The following MGAT4C variants were observed in gnomAD, a reference collection of about 807,000 sequenced individuals.
The protein encoded by MGAT4C is MGAT4 family member C.
In MGAT4C, 19 loss-of-function variants were observed where a neutral mutation model predicts 40.1. The observed-to-expected ratio is 0.47, with a 90% confidence interval of 0.33 to 0.70. The LOEUF is 0.70. Ranked by LOEUF, MGAT4C falls within the 30% of genes least tolerant of loss-of-function variation. MGAT4C has a pLI of 0.02. For synonymous variants in MGAT4C, 181 were observed against 187.1 expected (o/e 0.97, Z 0.27); for missense variants, 491 against 563.2 (o/e 0.87, Z 1.30).
chr12:86,471,231 T>A (rs1440736194), intron 2 of MGAT4C, among the ~76,000 whole-genome samples: 1 of 152,050 alleles, frequency 6.6e-6, no homozygotes, highest in African/African-American at 2.4e-5. Flanking sequence ...AAGATAATTT[T>A]TCTACTTTTA....
At chr12:85,988,935 A>G (rs2136715329) in intron 3 of MGAT4C, among the ~76,000 whole-genome samples, 1 of 152,184 alleles carries the variant, frequency 6.6e-6, no homozygotes, top group East Asian at 1.9e-4. Context: ...AAGGTGTTAC[A>G]CATTGTAATA....
At chr12:86,680,536 C>T (rs547532115) in intron 2 of MGAT4C, among the ~76,000 whole-genome samples, 1 of 152,086 alleles carries the variant, frequency 6.6e-6, no homozygotes, top group Admixed American at 6.6e-5. Context: ...TTAATGTAGT[C>T]TAAAAGATAC....
At chr12:86,705,216 C>CTCTATCTATCTATCTA (rs36154098) in intron 2 of MGAT4C, among the ~76,000 whole-genome samples, 27 of 147,588 alleles carry the variant, frequency 1.8e-4, no homozygotes, top group Admixed American at 3.4e-4. Flanking sequence ...TGTCTATTAT[C>CTCTATCTATCTATCTA]TCTATCTATC....
At chr12:86,192,936 C>T (rs958745209) in intron 1 of MGAT4C, among the ~76,000 whole-genome samples, 2 of 152,088 alleles carry the variant, frequency 1.3e-5, no homozygotes, top group African/African-American at 4.8e-5. Flanking sequence ...GTGTCATCAT[C>T]TGATATTATT....
chr12:86,789,082 A>G lies in MGAT4C; in HGVS notation c.-262+49584T>C, dbSNP rs575810361. ...AGCAAAGTGAAAGTAGGAAGGACTC[A>G]GGATACAAACAATATCAAGCAAAGG... On this transcript the variant is annotated intron_variant, in intron 1 of 7. Transcript: ENST00000548651. Among the ~76,000 whole-genome samples, 5 of 152,278 alleles carry G rather than the reference A, an allele frequency of 3.3e-5. No individual in the cohort carries two copies. The South Asian group carries it at 1.0e-3, about 32-fold the overall frequency.
chr12:86,482,099 C>CACACAT (rs1375497036), intron 2 of MGAT4C, among the ~76,000 whole-genome samples: 18 of 151,450 alleles, frequency 1.2e-4, no homozygotes, highest in African/African-American at 4.1e-4. Context: ...CACACACACA[C>CACACAT]ACAAGCAAGT....
At chr12:86,673,974 C>T (rs1057355962) in intron 2 of MGAT4C, among the ~76,000 whole-genome samples, 2 of 151,922 alleles carry the variant, frequency 1.3e-5, no homozygotes, top group African/African-American at 4.8e-5. Context: ...TAAATGATGG[C>T]ATTGCACTAA....
intron 4 of MGAT4C, among the ~76,000 whole-genome samples, chr12:86,284,059 T>A (rs1953285705): frequency 6.6e-6 from 1 of 152,064 alleles, no homozygotes; most frequent in Non-Finnish European, 1.5e-5. Context: ...AAAATATATT[T>A]GTATCATCTA....
At chr12:86,539,873 AT>A (rs891250965) in intron 2 of MGAT4C, among the ~76,000 whole-genome samples, 1 of 151,324 alleles carries the variant, frequency 6.6e-6, no homozygotes, top group Admixed American at 6.6e-5. Flanking sequence ...AGGTTGTTTG[AT>A]TTTTTTTCTT....
chr12:86,284,307 AT>A lies in MGAT4C; in HGVS notation c.-57+49757del, dbSNP rs537673835. Reference sequence around the variant, plus strand: ...ATATATAAATATATACTAAATGCACATTTTTTTCCTCTATCTCTTTACTTTG... The same window carrying A: ...ATATATAAATATATACTAAATGCACATTTTTTCCTCTATCTCTTTACTTTG... On this transcript the variant is annotated intron_variant, in intron 4 of 7. Transcript: ENST00000548651. Among the ~76,000 whole-genome samples the A allele has an allele frequency of 2.4e-3, 366 of 151,820 alleles. 1 individual carries two copies. Among genetic ancestry groups the A allele is most frequent in the African/African-American group, 7.3e-3 (301 of 41,476 alleles).
chr12:86,792,572 T>TA (rs528789484), intron 1 of MGAT4C, among the ~76,000 whole-genome samples: 30 of 151,948 alleles, frequency 2.0e-4, no homozygotes, highest in African/African-American at 6.8e-4. Flanking sequence ...AGGCCCCAGT[T>TA]AAAAAAAATA....
chr12:86,227,533 T>G (rs1231888585), intron 1 of MGAT4C, among the ~76,000 whole-genome samples: 1 of 152,104 alleles, frequency 6.6e-6, no homozygotes, highest in East Asian at 1.9e-4. Context: ...CTGTTAGAGA[T>G]ATCTTCATTT....
At chr12:86,488,423 T>A (rs1958066982) in intron 2 of MGAT4C, among the ~76,000 whole-genome samples, 1 of 148,742 alleles carries the variant, frequency 6.7e-6, no homozygotes, top group Admixed American at 6.7e-5. Context: ...TGAGACCCTG[T>A]CTCAAAAAAA....
At chr12:86,166,381 T>C (rs1886191290) in intron 1 of MGAT4C, among the ~76,000 whole-genome samples, 1 of 152,174 alleles carries the variant, frequency 6.6e-6, no homozygotes, top group Non-Finnish European at 1.5e-5. Flanking sequence ...AAAATTTGAC[T>C]ACTAAGCCGG....
intron 1 of MGAT4C, among the ~76,000 whole-genome samples, chr12:86,189,231 T>C (rs566492790): frequency 1.7e-4 from 26 of 152,088 alleles, no homozygotes; most frequent in African/African-American, 6.3e-4. Flanking sequence ...TAGAGGAGAA[T>C]TCTGCCCAAA....
At chr12:86,377,864 C>A (rs561527517) in intron 3 of MGAT4C, among the ~76,000 whole-genome samples, 14 of 152,222 alleles carry the variant, frequency 9.2e-5, no homozygotes, top group Middle Eastern at 3.4e-3. Flanking sequence ...CCATTCTCCC[C>A]TTCCCTGGCC....
intron 2 of MGAT4C, among the ~76,000 whole-genome samples, chr12:86,591,983 A>G (rs1272232654): frequency 6.6e-6 from 1 of 152,060 alleles, no homozygotes; most frequent in Non-Finnish European, 1.5e-5. Flanking sequence ...AAAATTATGA[A>G]GTCTTTGTTA....
chr12:86,221,495 C>G (rs1420763516), intron 1 of MGAT4C, among the ~76,000 whole-genome samples: 1 of 152,178 alleles, frequency 6.6e-6, no homozygotes, highest in Non-Finnish European at 1.5e-5. Flanking sequence ...TCTCTCAAAA[C>G]TGAGAGGCTG....
At position 85,975,726 on chromosome 12, in the gene MGAT4C, T is replaced by C. The variant is rs1049225238; in HGVS notation, c.*3563A>G. 104 of 150,916 alleles carry C rather than the reference T, an allele frequency of 6.9e-4. No individual in the cohort carries two copies. The highest frequency in any genetic ancestry group is 2.3e-3 in the African/African-American group (95 of 41,310). 9.3% of individuals were successfully genotyped at this position (150,916 alleles called of 1,614,324 possible). A position where few individuals can be genotyped will look rare whatever the true frequency, so the allele number is the denominator to read the frequency against. On this transcript the variant is annotated 3_prime_UTR_variant, in exon 5 of 5. Coordinates refer to ENST00000611864, the MANE Select transcript of MGAT4C (RefSeq NM_001351288.2). ...GGATAAAATTATCCTAAAATTAATA[T>C]TAAATCTTACAAGAAACCCCCCAAA...
Sources: gnomAD v4.1 joint callset for allele counts (sites outside exome capture counted in the v4.1 genomes callset) on GRCh38, gnomAD v4.1.1 for gene constraint, MANE v1.5 for transcripts, NCBI Gene and HGNC (gene_info 2026-07-23, HGNC 2026-07-21) for gene names.